DPH6: variants seen among roughly 807,000 people sequenced by gnomAD.
The protein encoded by DPH6 is diphthamine biosynthesis 6.
A neutral mutation model predicts 38.2 loss-of-function variants in DPH6; 33 were observed. The ratio of observed to expected loss-of-function variants is 0.86; its 90% CI spans 0.65 to 1.15. The LOEUF is 1.15. DPH6 is among the 50% of genes most tolerant of loss of function. DPH6 has a pLI of 0.00. For missense variants in DPH6, 325 were observed against 320.0 expected, an observed-to-expected ratio of 1.02 and a Z score of -0.12; for synonymous variants, 108 against 103.0, an observed-to-expected ratio of 1.05 and a Z score of -0.30.
At chr15:35,311,673 G>C (rs1488416353) in intron 3 of DPH6, among the ~76,000 whole-genome samples, 1 of 152,132 alleles carries the variant, frequency 6.6e-6, no homozygotes, top group Non-Finnish European at 1.5e-5. Flanking sequence ...CTCTTGTTTT[G>C]ACTTATTCCA....
In DPH6 at chr15:35,409,788, TTAAA is replaced by T. The variant is rs1391004757; in HGVS notation, c.567+1043_567+1046del. ...AAGCAACCATGTTCCATAAATTGAC[TTAAA>T]TAAATGACATCAAATTATCTAGAAA... On this transcript the variant is annotated intron_variant, in intron 6 of 8. Transcript: ENST00000256538. Among the ~76,000 whole-genome samples, 3 of 151,988 alleles carry T rather than the reference TTAAA, an allele frequency of 2.0e-5. No individual in the cohort carries two copies. The East Asian group carries it at 5.8e-4, about 29-fold the overall frequency.
rs567661127 is a variant in DPH6, at chr15:35,438,734, G to A, written c.505+11951C>T. Among the ~76,000 whole-genome samples the A allele has an allele frequency of 6.1e-4, 93 of 152,298 alleles. 1 individual carries two copies. The highest frequency in any genetic ancestry group is 2.2e-3 in the African/African-American group (91 of 41,570). ...GCACCTAGATCAAATATCTTTTAAA[G>A]GGAAGATAAAAAGTGTGGTGCCCCT... On this transcript the variant is annotated intron_variant, in intron 5 of 8. Transcript: ENST00000256538.
chr15:35,237,219 G>C, intron 3 of DPH6: 5 of 942,218 alleles, frequency 5.3e-6, no homozygotes, highest in Non-Finnish European at 8.5e-6. Flanking sequence ...GGTGCTGGGG[G>C]CTCGAGAACT....
intron 3 of DPH6, among the ~76,000 whole-genome samples, chr15:35,467,798 A>G (rs771059797): frequency 3.3e-5 from 5 of 151,970 alleles, no homozygotes; most frequent in South Asian, 2.1e-4. Flanking sequence ...ATCTTTTTTT[A>G]TAAGTAGGAG....
chr15:35,479,464 T>C (rs996655806), intron 3 of DPH6, among the ~76,000 whole-genome samples: 7 of 152,154 alleles, frequency 4.6e-5, no homozygotes, highest in Admixed American at 3.9e-4. Flanking sequence ...CAGCAACATG[T>C]ACCTTTTAGG....
At chr15:35,415,031 T>C (rs77360074) in intron 5 of DPH6, among the ~76,000 whole-genome samples, 202 of 152,070 alleles carry the variant, frequency 1.3e-3, no homozygotes, top group Admixed American at 2.0e-3. Flanking sequence ...GATCCCTACA[T>C]TACAGCACAC....
intron 3 of DPH6, among the ~76,000 whole-genome samples, chr15:35,525,859 C>T (rs1839098598): frequency 6.6e-6 from 1 of 151,976 alleles, no homozygotes; most frequent in Non-Finnish European, 1.5e-5. Context: ...TTTTCCTCTC[C>T]CAGAAAAATT....
the DPH6 span, among the ~76,000 whole-genome samples, chr15:35,184,896 T>A: frequency 6.6e-6 from 1 of 152,208 alleles, no homozygotes; most frequent in Non-Finnish European, 1.5e-5. Flanking sequence ...ACAACTGAAC[T>A]TCCTTAGCAA....
intron 3 of DPH6, among the ~76,000 whole-genome samples, chr15:35,286,498 A>C: frequency 6.6e-6 from 1 of 152,242 alleles, no homozygotes; most frequent in East Asian, 1.9e-4. Flanking sequence ...AATAGGCAAC[A>C]TAAGCAGTAG....
At chr15:35,487,071 T>C (rs1050040318) in intron 3 of DPH6, among the ~76,000 whole-genome samples, 11 of 152,142 alleles carry the variant, frequency 7.2e-5, no homozygotes, top group African/African-American at 2.4e-4. Context: ...CAAGACATGG[T>C]CTCCCAAGGC....
chr15:35,148,626 G>T, the DPH6 span, among the ~76,000 whole-genome samples: 57 of 152,168 alleles, frequency 3.7e-4, 1 homozygote, highest in South Asian at 0.011. Context: ...TTTTATAAAT[G>T]TGTATAATTC....
chr15:35,413,214 C>T (rs564612305), intron 5 of DPH6, among the ~76,000 whole-genome samples: 2 of 151,680 alleles, frequency 1.3e-5, no homozygotes, highest in South Asian at 2.1e-4. Flanking sequence ...TTCATAAATG[C>T]TCCATTTCTG....
the DPH6 span, among the ~76,000 whole-genome samples, chr15:35,180,990 G>A: frequency 1.3e-5 from 2 of 152,178 alleles, no homozygotes; most frequent in Non-Finnish European, 2.9e-5. Context: ...GAATGTAGCT[G>A]TGTTGACATT....
intron 3 of DPH6, among the ~76,000 whole-genome samples, chr15:35,231,528 G>A (rs2051517697): frequency 6.6e-6 from 1 of 152,222 alleles, no homozygotes; most frequent in Non-Finnish European, 1.5e-5. Flanking sequence ...TGTGTAGAAA[G>A]TTGTTAAATT....
At position 35,371,558 on chromosome 15, in the gene DPH6, T is replaced by C; in HGVS notation, c.*592A>G. On this transcript the variant is annotated 3_prime_UTR_variant, in exon 9 of 9. Transcript: ENST00000256538. ...TATTTTTTGTAAAAGTTTTCTAAGG[T>C]CAACATAGTTAATACTGAAAAACAG... 1 of 975,012 alleles carries C rather than the reference T, an allele frequency of 1.0e-6. No individual in the cohort carries two copies. Among genetic ancestry groups the C allele is most frequent in the Non-Finnish European group, 1.2e-6 (1 of 820,564 alleles). 60.4% of individuals were successfully genotyped at this position (975,012 alleles called of 1,614,324 possible).
chr15:35,205,622 T>C, the DPH6 span, among the ~76,000 whole-genome samples: 1 of 152,078 alleles, frequency 6.6e-6, no homozygotes, highest in African/African-American at 2.4e-5. Flanking sequence ...TTTGAAAGCA[T>C]ATAACTAAAT....
At chr15:35,361,941 T>C (rs2052617920) in intron 3 of DPH6, among the ~76,000 whole-genome samples, 1 of 151,944 alleles carries the variant, frequency 6.6e-6, no homozygotes, top group African/African-American at 2.4e-5. Context: ...ATTTTCATTT[T>C]TTCAGAGCCA....
intron 3 of DPH6, among the ~76,000 whole-genome samples, chr15:35,294,108 G>T (rs976398341): frequency 3.3e-5 from 5 of 152,104 alleles, no homozygotes; most frequent in Non-Finnish European, 5.9e-5. Context: ...CCTAGTTCCT[G>T]AATTGACTCC....
intron 3 of DPH6, among the ~76,000 whole-genome samples, chr15:35,279,872 G>A (rs935219941): frequency 1.3e-5 from 2 of 152,148 alleles, no homozygotes; most frequent in African/African-American, 2.4e-5. Flanking sequence ...TTTGGAGTCA[G>A]CTTTTAGAAA....
Sources: allele counts gnomAD v4.1 joint callset (sites outside exome capture counted in the v4.1 genomes callset), GRCh38; gene constraint gnomAD v4.1.1; transcripts MANE v1.5; gene names NCBI Gene and HGNC (gene_info 2026-07-23, HGNC 2026-07-21).